Variants in ACTR2 observed in about 807,000 individuals in gnomAD.
The protein encoded by ACTR2 is actin related protein 2.
ACTR2 carries 5 observed loss-of-function variants against 50.2 expected under a neutral mutation model. That is an observed-to-expected ratio of 0.10 (90% CI 0.05 to 0.21). The LOEUF is 0.21. Ranked by LOEUF, ACTR2 falls within the 10% of genes least tolerant of loss-of-function variation. The probability of loss-of-function intolerance (pLI) is 1.00; values close to 1 mark genes in which losing one functional copy is unlikely to be tolerated. For missense variants in ACTR2, 180 were observed against 480.6 expected, an observed-to-expected ratio of 0.37 and a Z score of 5.85; for synonymous variants, 140 against 162.9, an observed-to-expected ratio of 0.86 and a Z score of 1.07.
At chr2:65,261,138 T>C in intron 6 of ACTR2, 109 bp from the exon 7 acceptor site, 1 of 1,041,430 alleles carries the variant, frequency 9.6e-7, no homozygotes, top group Non-Finnish European at 1.4e-6. Flanking sequence ...TTGTTGTTGG[T>C]AATGATTTTG....
At chr2:65,263,104 A>G (rs1226727955) in intron 7 of ACTR2, among the ~76,000 whole-genome samples, 1 of 151,540 alleles carries the variant, frequency 6.6e-6, no homozygotes, top group Non-Finnish European at 1.5e-5. Flanking sequence ...GCAGTGGTGC[A>G]GTCTCGGCTC....
At chr2:65,267,993 T>G (rs532115449) in intron 8 of ACTR2, among the ~76,000 whole-genome samples, 134 of 146,638 alleles carry the variant, frequency 9.1e-4, no homozygotes, top group Non-Finnish European at 1.0e-3. Context: ...CCCACTACCA[T>G]GCCCGGCTAA....
intron 1 of ACTR2, among the ~76,000 whole-genome samples, chr2:65,233,924 A>G (rs1246326170): frequency 6.7e-6 from 1 of 149,990 alleles, no homozygotes; most frequent in Non-Finnish European, 1.5e-5. Flanking sequence ...TTTTTTCCTG[A>G]CAGGGTCTCA....
At chr2:65,267,785 A>G (rs758620215) in intron 8 of ACTR2, among the ~76,000 whole-genome samples, 9 of 151,630 alleles carry the variant, frequency 5.9e-5, no homozygotes, top group African/African-American at 9.7e-5. Context: ...CTTAAAAGAA[A>G]AGAACTTCAG....
intron 2 of ACTR2, 42 bp from the exon 3 acceptor site, chr2:65,246,479 ATAT>A (rs1671942110): frequency 1.5e-6 from 2 of 1,339,376 alleles, no homozygotes; most frequent in East Asian, 2.4e-5. Flanking sequence ...GTTTTCTTAA[ATAT>A]TATGCAAAAC....
chr2:65,259,077 A>T (rs975432387), intron 6 of ACTR2, among the ~76,000 whole-genome samples: 2 of 151,380 alleles, frequency 1.3e-5, no homozygotes, highest in African/African-American at 4.9e-5. Flanking sequence ...GGGTTAGGTG[A>T]TCCTCCCACC....
chr2:65,244,370 TC>T (rs965300914), intron 2 of ACTR2, among the ~76,000 whole-genome samples: 1 of 139,990 alleles, frequency 7.1e-6, no homozygotes, highest in African/African-American at 2.6e-5. Context: ...GGTATAGATT[TC>T]CCCCCTAACA....
At position 65,261,396 on chromosome 2, in the gene ACTR2, C is replaced by T. The variant is rs976204614; in HGVS notation, c.881+4C>T. 1.9e-6 allele frequency: 3 copies of T among 1,605,308 alleles called. No individual in the cohort carries two copies. The highest frequency in any genetic ancestry group is 2.7e-5 in the African/African-American group (2 of 74,554). ...AGGCAGCTGACATTGATACCAGGTA[C>T]ATTAGAAGTGGTGATTTCAAAGTTA... On this transcript the variant is annotated splice_donor_region_variant and intron_variant, in intron 7 of 8. Coordinates refer to ENST00000260641, the MANE Select transcript of ACTR2 (RefSeq NM_005722.4).
intron 1 of ACTR2, among the ~76,000 whole-genome samples, chr2:65,233,860 C>T (rs1029068970): frequency 3.3e-5 from 5 of 152,116 alleles, no homozygotes; most frequent in Admixed American, 6.6e-5. Flanking sequence ...ATCCTCCTGC[C>T]TTGGCCTCCT....
At chr2:65,228,122 C>T (rs1040459821) in intron 1 of ACTR2, 165 bp downstream of exon 1, 2 of 549,802 alleles carry the variant, frequency 3.6e-6, no homozygotes, top group Admixed American at 4.4e-5. Flanking sequence ...CCGGCCGTTC[C>T]CTGGTCTCCC....
chr2:65,233,755 G>A (rs1671682219), intron 1 of ACTR2, among the ~76,000 whole-genome samples: 1 of 152,018 alleles, frequency 6.6e-6, no homozygotes, highest in South Asian at 2.1e-4. Flanking sequence ...GGGATTACAG[G>A]CATGCACCAC....
intron 7 of ACTR2, among the ~76,000 whole-genome samples, chr2:65,264,653 AAAATT>A (rs1196349576): frequency 1.3e-5 from 2 of 152,216 alleles, no homozygotes; most frequent in African/African-American, 4.8e-5. Flanking sequence ...AGATAAATGA[AAAATT>A]AAAAAGCAGG....
chr2:65,257,947 A>G (rs549311183), intron 6 of ACTR2, among the ~76,000 whole-genome samples: 1 of 152,260 alleles, frequency 6.6e-6, no homozygotes, highest in South Asian at 2.1e-4. Context: ...CTTTAGTTTA[A>G]TTAGAACCCA....
At chr2:65,238,895 G>A (rs748780918) in intron 1 of ACTR2, among the ~76,000 whole-genome samples, 1 of 152,022 alleles carries the variant, frequency 6.6e-6, no homozygotes, top group Non-Finnish European at 1.5e-5. Flanking sequence ...TTGGACCTGG[G>A]AGGCAGAGGT....
intron 2 of ACTR2, chr2:65,246,071 T>C (rs1427784267): frequency 6.5e-6 from 1 of 154,418 alleles, no homozygotes; most frequent in African/African-American, 2.4e-5. Flanking sequence ...TTCATTATGC[T>C]TTATAGTACT....
At chr2:65,247,718 G>C (rs1240467395) in intron 3 of ACTR2, among the ~76,000 whole-genome samples, 2 of 152,170 alleles carry the variant, frequency 1.3e-5, no homozygotes, top group Non-Finnish European at 2.9e-5. Flanking sequence ...TTGCTGTCTC[G>C]GGTGGCAGAG....
chr2:65,235,842 G>A (rs990367548), intron 1 of ACTR2, among the ~76,000 whole-genome samples: 3 of 152,102 alleles, frequency 2.0e-5, no homozygotes, highest in Admixed American at 6.5e-5. Context: ...TACCTTGGTG[G>A]CTCAATATAA....
intron 6 of ACTR2, among the ~76,000 whole-genome samples, chr2:65,260,401 G>T (rs1672246368): frequency 6.6e-6 from 1 of 152,142 alleles, no homozygotes; most frequent in African/African-American, 2.4e-5. Context: ...AGCTACTCAG[G>T]AGGCTGAGGC....
At chr2:65,260,758 C>T (rs1672253953) in intron 6 of ACTR2, among the ~76,000 whole-genome samples, 1 of 133,576 alleles carries the variant, frequency 7.5e-6, no homozygotes, top group South Asian at 2.4e-4. Flanking sequence ...GAGATGGAGT[C>T]TCGCTCTATT....
Sources: allele counts gnomAD v4.1 joint callset (sites outside exome capture counted in the v4.1 genomes callset), GRCh38; gene constraint gnomAD v4.1.1; transcripts MANE v1.5; gene names NCBI Gene and HGNC (gene_info 2026-07-23, HGNC 2026-07-21).